MBNL2: variants seen among roughly 807,000 people sequenced by gnomAD.
MBNL2 encodes the protein muscleblind like splicing regulator 2, also known as muscleblind-like protein 2.
A neutral mutation model predicts 41.9 loss-of-function variants in MBNL2; 17 were observed. The ratio of observed to expected loss-of-function variants is 0.41; its 90% CI spans 0.28 to 0.61. The LOEUF is 0.61. Ranked by LOEUF, MBNL2 falls within the 20% of genes least tolerant of loss-of-function variation. MBNL2 has a pLI of 0.35. For missense variants in MBNL2, 336 were observed against 505.6 expected (o/e 0.66, Z 3.22); for synonymous variants, 195 against 182.9 (o/e 1.07, Z -0.53).
intron 2 of MBNL2, among the ~76,000 whole-genome samples, chr13:97,332,540 TG>T (rs2153061706): frequency 6.6e-6 from 1 of 152,294 alleles, no homozygotes; most frequent in South Asian, 2.1e-4. Context: ...GGAGGGACCC[TG>T]GCAAGTCATA....
intron 2 of MBNL2, among the ~76,000 whole-genome samples, chr13:97,318,175 G>A (rs2059211849): frequency 6.6e-6 from 1 of 152,312 alleles, no homozygotes; most frequent in African/African-American, 2.4e-5. Flanking sequence ...TACCTGAAAG[G>A]CATATTGTGA....
the MBNL2 span, among the ~76,000 whole-genome samples, chr13:97,197,428 G>C: frequency 6.6e-6 from 1 of 152,152 alleles, no homozygotes; most frequent in East Asian, 1.9e-4. Flanking sequence ...CCATTAACAT[G>C]TCAAACTCAG....
the MBNL2 span, among the ~76,000 whole-genome samples, chr13:97,167,823 C>A: frequency 6.6e-6 from 1 of 152,118 alleles, no homozygotes. Context: ...CATTCTGTCT[C>A]AGAAAGGGTC....
At chr13:97,218,792 G>T (rs2040625005), upstream of MBNL2, among the ~76,000 whole-genome samples, 1 of 151,758 alleles carries the variant, frequency 6.6e-6, no homozygotes, top group African/African-American at 2.4e-5. Context: ...AAAGAAAAAA[G>T]ATTAAGTCCA....
intron 1 of MBNL2, among the ~76,000 whole-genome samples, chr13:97,250,819 G>T (rs2046366851): frequency 6.6e-6 from 1 of 152,130 alleles, no homozygotes; most frequent in Non-Finnish European, 1.5e-5. Flanking sequence ...ATGGAAATTT[G>T]ATTTAGCTCA....
the MBNL2 span, among the ~76,000 whole-genome samples, chr13:97,201,658 A>C: frequency 6.6e-6 from 1 of 152,328 alleles, no homozygotes; most frequent in East Asian, 1.9e-4. Flanking sequence ...TGAAATTATA[A>C]TCTTCAGAAG....
intron 8 of MBNL2, among the ~76,000 whole-genome samples, chr13:97,376,076 G>C (rs527265024): frequency 8.4e-4 from 128 of 152,294 alleles, no homozygotes; most frequent in Middle Eastern, 3.4e-3. Context: ...ATGGGTAGAG[G>C]TGTGCAGGGA....
intron 8 of MBNL2, among the ~76,000 whole-genome samples, chr13:97,377,918 G>A (rs991803358): frequency 3.3e-5 from 5 of 152,130 alleles, no homozygotes; most frequent in Admixed American, 1.3e-4. Flanking sequence ...ACTAGAAAGC[G>A]CCCTCCATCT....
At chr13:97,251,067 G>A (rs1450965417) in intron 1 of MBNL2, among the ~76,000 whole-genome samples, 3 of 151,600 alleles carry the variant, frequency 2.0e-5, no homozygotes, top group Non-Finnish European at 4.4e-5. Flanking sequence ...TGCAGCTACT[G>A]GGCAGAACTT....
At chr13:97,387,181 T>A (rs1232260641) in intron 8 of MBNL2, among the ~76,000 whole-genome samples, 1 of 151,934 alleles carries the variant, frequency 6.6e-6, no homozygotes, top group African/African-American at 2.4e-5. Context: ...GAGGCAATAG[T>A]CTCCCAGGGA....
At chr13:97,383,723 T>C (rs1007407696) in intron 8 of MBNL2, among the ~76,000 whole-genome samples, 1 of 152,166 alleles carries the variant, frequency 6.6e-6, no homozygotes, top group Admixed American at 6.5e-5. Context: ...TTTGATAATT[T>C]TTCCCCAGGA....
Position 97,236,886 on chromosome 13 carries a change from TTTTTA to T in MBNL2, c.-605+14363_-605+14367del, listed in dbSNP as rs140003639. On this transcript the variant is annotated intron_variant, in intron 1 of 8. Coordinates refer to ENST00000679496, the MANE Select transcript of MBNL2 (RefSeq NM_001382683.1). ...CAAAACATCTCCTTGTTTCTCCCTATTTTTATTTTATTCAAATGCATGAAAGCTTT... is the reference window on the plus strand; with the variant it reads ...CAAAACATCTCCTTGTTTCTCCCTATTTTTATTCAAATGCATGAAAGCTTT... Among the ~76,000 whole-genome samples the T allele has an allele frequency of 9.1e-3, 1,381 of 152,374 alleles. 19 individuals carry two copies. The highest frequency in any genetic ancestry group is 0.032 in the African/African-American group (1,324 of 41,586).
chr13:97,227,360 G>A (rs1273640503), intron 1 of MBNL2, among the ~76,000 whole-genome samples: 3 of 152,324 alleles, frequency 2.0e-5, no homozygotes, highest in African/African-American at 4.8e-5. Context: ...AGGAAAAAGG[G>A]AGGAGTCAAG....
intron 2 of MBNL2, among the ~76,000 whole-genome samples, chr13:97,314,302 A>G (rs74104399): frequency 6.6e-6 from 1 of 152,110 alleles, no homozygotes; most frequent in African/African-American, 2.4e-5. Flanking sequence ...TCCCTTTGAG[A>G]TCTTCTTTGT....
the MBNL2 span, among the ~76,000 whole-genome samples, chr13:97,152,069 A>T: frequency 6.6e-6 from 1 of 152,224 alleles, no homozygotes; most frequent in Non-Finnish European, 1.5e-5. Context: ...ATTTGAAATT[A>T]AAAAAGACAA....
chr13:97,279,678 T>C (rs574657720), intron 2 of MBNL2, among the ~76,000 whole-genome samples: 26 of 152,354 alleles, frequency 1.7e-4, no homozygotes, highest in African/African-American at 4.1e-4. Context: ...AATTTATTTA[T>C]AACTGCGAAA....
chr13:97,272,166 C>G (rs2051176850), intron 1 of MBNL2, among the ~76,000 whole-genome samples: 1 of 152,162 alleles, frequency 6.6e-6, no homozygotes, highest in African/African-American at 2.4e-5. Flanking sequence ...TTGCATTTCT[C>G]TGATGATCAG....
intron 2 of MBNL2, among the ~76,000 whole-genome samples, chr13:97,333,325 C>T (rs1313503244): frequency 1.3e-5 from 2 of 152,084 alleles, no homozygotes; most frequent in Non-Finnish European, 2.9e-5. Flanking sequence ...GTATAAACAC[C>T]GCCATATGCA....
chr13:97,145,957 C>CTCTTTTCTTTTCTTT, the MBNL2 span, among the ~76,000 whole-genome samples: 2,491 of 143,998 alleles, frequency 0.017, 36 homozygotes, highest in African/African-American at 0.031. Context: ...CAGGGTTCTA[C>CTCTTTTCTTTTCTTT]TCTTTTCTTT....
Sources: gnomAD v4.1 joint callset for allele counts (sites outside exome capture counted in the v4.1 genomes callset) on GRCh38, gnomAD v4.1.1 for gene constraint, MANE v1.5 for transcripts, NCBI Gene and HGNC (gene_info 2026-07-23, HGNC 2026-07-21) for gene names.